BFSP1: variants seen among roughly 807,000 people sequenced by gnomAD.
The protein encoded by BFSP1 is filensin.
A neutral mutation model predicts 43.9 loss-of-function variants in BFSP1; 38 were observed. The ratio of observed to expected loss-of-function variants is 0.87; its 90% CI spans 0.67 to 1.14. The LOEUF (loss-of-function observed/expected upper bound fraction) is 1.14, where lower values mean the gene tolerates loss of function less well. BFSP1 is among the 50% of genes most tolerant of loss of function. The pLI is 0.00. For missense variants in BFSP1, 850 were observed against 875.1 expected (o/e 0.97, Z 0.36); for synonymous variants, 352 against 354.8 (o/e 0.99, Z 0.09).
intron 1 of BFSP1, among the ~76,000 whole-genome samples, chr20:17,548,194 A>AG (rs1326967894): frequency 2.7e-4 from 37 of 135,106 alleles, no homozygotes; most frequent in Admixed American, 1.2e-3. Flanking sequence ...AAAAAAAAAA[A>AG]AAAAAGAAAA....
rs1263400646 is a variant in BFSP1 at position 17,541,285 on chromosome 20, A to G, written c.3-16377T>C. On this transcript the variant is annotated intron_variant, in intron 1 of 7. Coordinates refer to the BFSP1 transcript ENST00000377868. Reference sequence around the variant, plus strand: ...TTTGCATGTTGGGAGGTTTGTCATGAAACTCTTAAATGGGAAAGCTGAATA... The same window carrying G: ...TTTGCATGTTGGGAGGTTTGTCATGGAACTCTTAAATGGGAAAGCTGAATA... 7.1e-6 allele frequency: 7 copies of G among 982,702 alleles called. No individual in the cohort carries two copies. The East Asian group carries it at 7.9e-4, about 111-fold the overall frequency. 60.9% of individuals were successfully genotyped at this position (982,702 alleles called of 1,614,324 possible).
At position 17,524,892 on chromosome 20, in the gene BFSP1, C is replaced by T. The variant is rs200017226; in HGVS notation, c.394G>A (p.Glu132Lys). Reference sequence around the variant, plus strand: ...ATTTCTTTTAGCAGGAGTTGACATTCGCACTCATTTTCATACCTGCAAATT... The same window carrying T: ...ATTTCTTTTAGCAGGAGTTGACATTTGCACTCATTTTCATACCTGCAAATT... ...EFRSKYENEC[E>K]CQLLLKEMLE... The change falls in exon 2 of 8, where the codon GAA becomes AAA. Residue 132 changes from glutamate (E) to lysine (K), a missense_variant. By Grantham distance (56) the Glu-to-Lys change is moderately conservative (BLOSUM62 1). Coordinates refer to ENST00000377873, the MANE Select transcript of BFSP1 (RefSeq NM_001195.5). The T allele has an allele frequency of 1.2e-4, 192 of 1,613,976 alleles. No individual in the cohort carries two copies. The highest frequency in any genetic ancestry group is 1.5e-4 in the Non-Finnish European group (172 of 1,179,962).
At chr20:17,516,079 A>C (rs181244125) in intron 2 of BFSP1, among the ~76,000 whole-genome samples, 2,201 of 152,314 alleles carry the variant, frequency 0.014, 58 homozygotes, top group African/African-American at 0.05. Flanking sequence ...CTGTAGTCCC[A>C]GCACTTTGGG....
At chr20:17,552,584 G>A (rs78374864) in intron 1 of BFSP1, among the ~76,000 whole-genome samples, 4,322 of 152,300 alleles carry the variant, frequency 0.028, 78 homozygotes, top group Middle Eastern at 0.054. Context: ...CCAGCCAAGA[G>A]ACCATTGCAG....
rs1051964783 is a variant in BFSP1, at chr20:17,498,907, T to C, written c.869A>G (p.Tyr290Cys). 3 of 1,614,056 alleles carry C rather than the reference T, an allele frequency of 1.9e-6. No homozygotes were observed. In the African/African-American group the frequency reaches 4.0e-5, roughly 22 times the overall value. The part of the protein sequence containing the change: ...ETERVLEKSS[Y>C]DCRQLAVAQQ... ...GGCGACCGCCAGCTGCCGGCAGTCGTAAGAAGACTTCTCCAGGACCCGCTC... is the reference window on the plus strand; with the variant it reads ...GGCGACCGCCAGCTGCCGGCAGTCGCAAGAAGACTTCTCCAGGACCCGCTC... The change falls in exon 6 of 8, where the codon TAC becomes TGC. Residue 290 changes from tyrosine to cysteine, a missense_variant. Tyr to Cys is a radical substitution (Grantham distance 194). Transcript: ENST00000377873.
At position 17,494,158 on chromosome 20, in the gene BFSP1, TG is replaced by T; in HGVS notation, c.1913del (p.Thr638AsnfsTer7). 6.2e-7 allele frequency: 1 copy of T among 1,614,212 alleles called. No individual in the cohort carries two copies. Among genetic ancestry groups the T allele is most frequent in the Non-Finnish European group, 8.5e-7 (1 of 1,180,046 alleles). ...CCACGATCACAGCGGTTTCTTCATA[TG>T]TCTGAATGCTCTCCGTGGAAATCTT... ...IEKISTESIQ[T>X]YEETAVIVET... On this transcript the variant is annotated frameshift_variant, in exon 8 of 8. Coordinates refer to ENST00000377873, the MANE Select transcript of BFSP1 (RefSeq NM_001195.5). LOFTEE classifies it high-confidence loss of function.
chr20:17,516,039 G>T (rs924495451), intron 2 of BFSP1, among the ~76,000 whole-genome samples: 4 of 152,154 alleles, frequency 2.6e-5, no homozygotes, highest in Non-Finnish European at 5.9e-5. Context: ...CTTAAGAAAG[G>T]CACTTGGGGC....
chr20:17,540,650 AT>A (rs2034700316), intron 1 of BFSP1, among the ~76,000 whole-genome samples: 1 of 152,014 alleles, frequency 6.6e-6, no homozygotes, highest in Admixed American at 6.6e-5. Context: ...CCCACCCTCC[AT>A]CCTTCTCCAT....
intron 6 of BFSP1, among the ~76,000 whole-genome samples, chr20:17,497,583 TATA>T (rs2033678830): frequency 6.4e-5 from 1 of 15,734 alleles, no homozygotes; most frequent in African/African-American, 2.8e-4. Flanking sequence ...TATATATACG[TATA>T]TATATACGTG....
intron 2 of BFSP1, among the ~76,000 whole-genome samples, chr20:17,523,035 C>G (rs1286353606): frequency 6.6e-6 from 1 of 152,202 alleles, no homozygotes; most frequent in Non-Finnish European, 1.5e-5. Context: ...GCATCTTTCC[C>G]CAGAACCTTC....
chr20:17,497,582 GTATATATATACGTGTA>G (rs2033678422), intron 6 of BFSP1, among the ~76,000 whole-genome samples: 4 of 124,594 alleles, frequency 3.2e-5, no homozygotes, highest in South Asian at 2.4e-4. Context: ...GTATATATAC[GTATATATATACGTGTA>G]TATATATACG....
chr20:17,498,922 A>G lies in BFSP1; in HGVS notation c.854T>C (p.Leu285Pro). The part of the protein sequence containing the change: ...RKEIEETERV[L>P]EKSSYDCRQL... ...CCGGCAGTCGTAAGAAGACTTCTCC[A>G]GGACCCGCTCTGTCTCCTCAATCTC... Residue 285 changes from leucine (L) to proline (P), a missense_variant, in exon 6 of 8, where the codon CTG (leucine) becomes CCG (proline). By Grantham distance (98) the Leu-to-Pro change is moderately conservative. Coordinates refer to ENST00000377873, the MANE Select transcript of BFSP1 (RefSeq NM_001195.5). The G allele has an allele frequency of 6.2e-7, 1 of 1,614,186 alleles. No individual in the cohort carries two copies. The highest frequency in any genetic ancestry group is 8.5e-7 in the Non-Finnish European group (1 of 1,180,036).
intron 1 of BFSP1, among the ~76,000 whole-genome samples, chr20:17,538,312 T>C (rs996053838): frequency 1.6e-4 from 24 of 152,142 alleles, no homozygotes; most frequent in Admixed American, 8.5e-4. Flanking sequence ...TAAACATATA[T>C]AAATAAATAC....
chr20:17,554,271 A>G (rs1331642760), intron 1 of BFSP1, among the ~76,000 whole-genome samples: 1 of 152,178 alleles, frequency 6.6e-6, no homozygotes, highest in African/African-American at 2.4e-5. Context: ...ACTTGTTCAG[A>G]GAAAAGGCAA....
chr20:17,532,728 AAAG>A (rs1387724583), upstream of BFSP1, among the ~76,000 whole-genome samples: 3 of 152,108 alleles, frequency 2.0e-5, no homozygotes, highest in South Asian at 6.2e-4. Flanking sequence ...AAATTTAAGA[AAAG>A]AAATTAATAC....
chr20:17,561,493 C>T (rs780092679), upstream of BFSP1, among the ~76,000 whole-genome samples: 2 of 150,274 alleles, frequency 1.3e-5, no homozygotes, highest in East Asian at 3.9e-4. Flanking sequence ...AGCGAAACTC[C>T]GCCTCAAAGA....
Position 17,494,541 on chromosome 20 carries a change from C to T in BFSP1, c.1531G>A (p.Glu511Lys), listed in dbSNP as rs1390591208. 2.5e-6 allele frequency: 4 copies of T among 1,614,222 alleles called. No individual in the cohort carries two copies. The Admixed American group carries it at 6.7e-5, about 27-fold the overall frequency. ...GGCTTGGGTGACTCAGGAGAGGGCT[C>T]CACCTGGCCGTCATAAAGCACAGAG... ...EDSVLYDGQV[E>K]PSPESPKPPL... The change falls in exon 8 of 8, where the codon GAG (glutamate) becomes AAG (lysine). Residue 511 changes from glutamate to lysine, a missense_variant. Glu to Lys is a moderately conservative substitution (Grantham distance 56, BLOSUM62 1). Transcript: ENST00000377873.
At chr20:17,511,162 C>A (rs2034069056) in intron 4 of BFSP1, among the ~76,000 whole-genome samples, 1 of 152,064 alleles carries the variant, frequency 6.6e-6, no homozygotes, top group South Asian at 2.1e-4. Flanking sequence ...TTCCATAAAC[C>A]ATATTAGGAA....
At chr20:17,544,013 A>C (rs2034762031) in intron 1 of BFSP1, among the ~76,000 whole-genome samples, 1 of 152,202 alleles carries the variant, frequency 6.6e-6, no homozygotes, top group Admixed American at 6.5e-5. Context: ...TGTTTATTTT[A>C]AGCATCCGTC....
Sources: gnomAD v4.1 joint callset for allele counts (sites outside exome capture counted in the v4.1 genomes callset) on GRCh38, gnomAD v4.1.1 for gene constraint, MANE v1.5 for transcripts, NCBI Gene and HGNC (gene_info 2026-07-23, HGNC 2026-07-21) for gene names.